Variants in SLC5A8 observed in about 807,000 individuals in gnomAD.
SLC5A8 encodes the protein solute carrier family 5 member 8.
SLC5A8 carries 55 observed loss-of-function variants against 71.9 expected under a neutral mutation model. That is an observed-to-expected ratio of 0.77 (90% confidence interval 0.62 to 0.96). SLC5A8 has a LOEUF of 0.96. Among genes scored for constraint, SLC5A8 ranks in the 40% least tolerant of loss-of-function variants. SLC5A8 has a pLI of 0.00. For missense variants in SLC5A8, 701 were observed against 745.3 expected (o/e 0.94, Z 0.69); for synonymous variants, 307 against 276.1 (o/e 1.11, Z -1.11).
intron 10 of SLC5A8, among the ~76,000 whole-genome samples, chr12:101,175,081 A>G (rs562843799): frequency 3.3e-5 from 5 of 152,234 alleles, no homozygotes; most frequent in Middle Eastern, 3.4e-3. Flanking sequence ...AAATATATAT[A>G]GAGAGAAAAA....
At chr12:101,170,712 A>C (rs1217957949) in intron 10 of SLC5A8, among the ~76,000 whole-genome samples, 2 of 151,762 alleles carry the variant, frequency 1.3e-5, no homozygotes, top group Non-Finnish European at 1.5e-5. Flanking sequence ...CCCCACCCAC[A>C]CCCATGCCAG....
intron 13 of SLC5A8, among the ~76,000 whole-genome samples, chr12:101,159,306 C>T (rs903392621): frequency 1.1e-4 from 17 of 152,124 alleles, no homozygotes; most frequent in Admixed American, 1.0e-3. Flanking sequence ...TATTGAGTAC[C>T]TACTGTGTGC....
At chr12:101,203,096 C>T (rs990577542) in intron 2 of SLC5A8, among the ~76,000 whole-genome samples, 1 of 152,178 alleles carries the variant, frequency 6.6e-6, no homozygotes, top group African/African-American at 2.4e-5. Flanking sequence ...GGCCACCTTC[C>T]TAACACTTAT....
At chr12:101,159,854 A>C (rs561450410) in intron 13 of SLC5A8, among the ~76,000 whole-genome samples, 3 of 152,300 alleles carry the variant, frequency 2.0e-5, no homozygotes, top group East Asian at 3.9e-4. Flanking sequence ...TCCAGATCTG[A>C]ACAACTGAAT....
rs1357133453 is a variant in SLC5A8, at chr12:101,155,657, T to C, written c.*1622A>G. On this transcript the variant is annotated 3_prime_UTR_variant, in exon 15 of 15. Coordinates refer to ENST00000536262, the MANE Select transcript of SLC5A8 (RefSeq NM_145913.5). Reference sequence around the variant, plus strand: ...ATGTGGCAACATGCCTAGCTAAGTTTTTTTTATTTTTATTTTTTATTTTTG... The same window carrying C: ...ATGTGGCAACATGCCTAGCTAAGTTCTTTTTATTTTTATTTTTTATTTTTG... 1 of 151,578 alleles carries C rather than the reference T, an allele frequency of 6.6e-6. No homozygotes were observed. Among genetic ancestry groups the C allele is most frequent in the Non-Finnish European group, 1.5e-5 (1 of 67,916 alleles). 9.4% of individuals were successfully genotyped at this position (151,578 alleles called of 1,614,324 possible). A position where few individuals can be genotyped will look rare whatever the true frequency, so the allele number is the denominator to read the frequency against.
At chr12:101,183,405 A>C (rs1401649244) in intron 8 of SLC5A8, among the ~76,000 whole-genome samples, 3 of 152,194 alleles carry the variant, frequency 2.0e-5, no homozygotes, top group South Asian at 4.1e-4. Flanking sequence ...TCATCCAAAA[A>C]TGATATTCAG....
intron 10 of SLC5A8, among the ~76,000 whole-genome samples, chr12:101,171,285 C>T (rs2051827373): frequency 6.6e-6 from 1 of 152,144 alleles, no homozygotes; most frequent in South Asian, 2.1e-4. Context: ...TTGGAAATCC[C>T]CGGCCAGGTT....
At chr12:101,200,057 G>GAATGA (rs1362068200) in intron 3 of SLC5A8, among the ~76,000 whole-genome samples, 38 of 42,156 alleles carry the variant, frequency 9.0e-4, no homozygotes, top group Admixed American at 2.3e-3. Context: ...AAAAAAAAGG[G>GAATGA]AATGAACTAC....
chr12:101,186,786 G>A (rs1868662767), intron 7 of SLC5A8, among the ~76,000 whole-genome samples: 1 of 152,142 alleles, frequency 6.6e-6, no homozygotes, highest in Admixed American at 6.5e-5. Context: ...TTTGATAACT[G>A]CTCATAGTTA....
chr12:101,161,842 G>A (rs2051725743), intron 13 of SLC5A8, 132 bp downstream of exon 13: 2 of 694,340 alleles, frequency 2.9e-6, no homozygotes, highest in Non-Finnish European at 4.9e-6. Context: ...GATTTCCCAT[G>A]AGTAAAACAG....
intron 5 of SLC5A8, among the ~76,000 whole-genome samples, chr12:101,193,201 G>A (rs1363278122): frequency 6.6e-6 from 1 of 152,048 alleles, no homozygotes; most frequent in South Asian, 2.1e-4. Flanking sequence ...TCGAACTCCT[G>A]GCCTCAGGTG....
At chr12:101,184,546 T>C (rs1868538072) in intron 7 of SLC5A8, among the ~76,000 whole-genome samples, 2 of 152,226 alleles carry the variant, frequency 1.3e-5, no homozygotes, top group Non-Finnish European at 2.9e-5. Context: ...AGATAATTTA[T>C]GTAAAACTCA....
intron 14 of SLC5A8, among the ~76,000 whole-genome samples, chr12:101,157,937 G>A (rs1250456977): frequency 1.3e-5 from 2 of 151,974 alleles, no homozygotes; most frequent in Non-Finnish European, 2.9e-5. Context: ...AACAGATATA[G>A]GTTATCAGAG....
rs568574418 is a variant in SLC5A8, at chr12:101,168,182, C to T, written c.1234G>A (p.Ala412Thr). The T allele has an allele frequency of 1.4e-5, 22 of 1,596,374 alleles. No homozygotes were observed. The highest frequency in any genetic ancestry group is 1.9e-5 in the Non-Finnish European group (22 of 1,172,724). The part of the protein sequence containing the change: ...LASLMGALLQ[A>T]ALSVFGMVGG... ...ACCATACCAAATACGCTGAGTGCTGCCTACAAAAATAATACAACGTCAGCA... is the reference window on the plus strand; with the variant it reads ...ACCATACCAAATACGCTGAGTGCTGTCTACAAAAATAATACAACGTCAGCA... Residue 412 changes from alanine to threonine, a missense_variant and splice_region_variant, in exon 11 of 15, where the codon GCA (alanine) becomes ACA (threonine). By Grantham distance (58) the Ala-to-Thr change is moderately conservative (BLOSUM62 0). Transcript: ENST00000536262.
chr12:101,188,095 C>G (rs554084302), intron 6 of SLC5A8, among the ~76,000 whole-genome samples: 3 of 152,246 alleles, frequency 2.0e-5, no homozygotes, highest in Non-Finnish European at 2.9e-5. Context: ...AGCACTGGAG[C>G]CAGTCCTGAG....
At chr12:101,194,207 C>T (rs906001072) in intron 4 of SLC5A8, among the ~76,000 whole-genome samples, 6 of 152,164 alleles carry the variant, frequency 3.9e-5, no homozygotes, top group Non-Finnish European at 7.3e-5. Flanking sequence ...GTCATTTCCA[C>T]TGTTATATAC....
At chr12:101,182,764 T>C in intron 9 of SLC5A8, 39 bp downstream of exon 9, 1 of 1,432,402 alleles carries the variant, frequency 7.0e-7, no homozygotes, top group Non-Finnish European at 9.6e-7. Context: ...AAAAATCATC[T>C]CTCTGAGCTA....
intron 10 of SLC5A8, among the ~76,000 whole-genome samples, chr12:101,177,060 T>C (rs1270248785): frequency 1.3e-5 from 2 of 151,884 alleles, no homozygotes; most frequent in Non-Finnish European, 2.9e-5. Flanking sequence ...AAATTACCAA[T>C]ATTAGGAATG....
At chr12:101,206,497 A>T (rs967097313) in intron 1 of SLC5A8, among the ~76,000 whole-genome samples, 7 of 152,212 alleles carry the variant, frequency 4.6e-5, no homozygotes, top group African/African-American at 1.7e-4. Context: ...GAAACCTGTG[A>T]TTTAAGCCCA....
Sources: allele counts gnomAD v4.1 joint callset (sites outside exome capture counted in the v4.1 genomes callset), GRCh38; gene constraint gnomAD v4.1.1; transcripts MANE v1.5; gene names NCBI Gene and HGNC (gene_info 2026-07-23, HGNC 2026-07-21).